The following CPS1 variants were observed in gnomAD, a reference collection of about 807,000 sequenced individuals.
The protein encoded by CPS1 is carbamoyl-phosphate synthase [ammonia], mitochondrial.
CPS1 carries 109 observed loss-of-function variants against 174.6 expected under a neutral mutation model. The observed-to-expected ratio is 0.62, with a 90% CI of 0.53 to 0.73. CPS1 has a LOEUF of 0.73. CPS1 is among the 30% of genes least tolerant of loss of function. The pLI is 0.00. For synonymous variants in CPS1, 637 were observed against 632.0 expected, an observed-to-expected ratio of 1.01 and a Z score of -0.12; for missense variants, 1,689 against 1,821.9, an observed-to-expected ratio of 0.93 and a Z score of 1.33.
intron 18 of CPS1, among the ~76,000 whole-genome samples, chr2:210,608,028 T>C (rs1305429862): frequency 6.6e-6 from 1 of 151,944 alleles, no homozygotes; most frequent in East Asian, 2.0e-4. Context: ...TTGCAGATTC[T>C]CATCTTAGTG....
chr2:210,581,586 A>G (rs1282355812), intron 5 of CPS1, among the ~76,000 whole-genome samples: 1 of 152,180 alleles, frequency 6.6e-6, no homozygotes, highest in Non-Finnish European at 1.5e-5. Context: ...ACAAGGGGTT[A>G]TGCGACTTGG....
intron 3 of CPS1, among the ~76,000 whole-genome samples, chr2:210,576,754 A>G (rs1203830711): frequency 6.6e-6 from 1 of 152,184 alleles, no homozygotes; most frequent in East Asian, 1.9e-4. Context: ...TTCAAATAAC[A>G]ACTATGCTAT....
At chr2:210,561,634 C>T (rs974819845) in intron 1 of CPS1, among the ~76,000 whole-genome samples, 9 of 152,290 alleles carry the variant, frequency 5.9e-5, no homozygotes, top group Non-Finnish European at 8.8e-5. Flanking sequence ...GTATGCTACG[C>T]TGACTGCCCT....
chr2:210,588,737 C>T (rs913021648), intron 7 of CPS1, among the ~76,000 whole-genome samples: 1 of 152,058 alleles, frequency 6.6e-6, no homozygotes, highest in African/African-American at 2.4e-5. Flanking sequence ...CATACACATA[C>T]ACACACATAC....
chr2:210,520,968 A>G (rs1482025259), intron 1 of CPS1, among the ~76,000 whole-genome samples: 1 of 152,012 alleles, frequency 6.6e-6, no homozygotes, highest in African/African-American at 2.4e-5. Context: ...GAAAAAGGGG[A>G]TCCAATAGTG....
chr2:210,582,954 C>T (rs1273140659), intron 6 of CPS1, among the ~76,000 whole-genome samples: 1 of 151,998 alleles, frequency 6.6e-6, no homozygotes, highest in Non-Finnish European at 1.5e-5. Context: ...ATTTAGTGTT[C>T]CTTCCACCTT....
chr2:210,591,103 C>T (rs1574562100), intron 9 of CPS1, among the ~76,000 whole-genome samples, 197 bp downstream of exon 9: 1 of 151,638 alleles, frequency 6.6e-6, no homozygotes, highest in Admixed American at 6.6e-5. Flanking sequence ...CCATACCTTA[C>T]GTGGTTGACA....
intron 33 of CPS1, among the ~76,000 whole-genome samples, chr2:210,666,796 A>C (rs916524773): frequency 2.0e-4 from 31 of 152,092 alleles, no homozygotes; most frequent in East Asian, 1.3e-3. Context: ...CTTAGGATTG[A>C]CTTGGCAATG....
In CPS1 at chr2:210,647,990, C is replaced by T. The variant is rs1442503615; in HGVS notation, c.3269C>T (p.Ser1090Phe). ...CAGATCGACAGGGCTGAGGATCGCT[C>T]CATCTTCTCAGCTGTCTTGGATGAG... is the stretch of plus-strand genomic sequence containing the variant. ...PLQIDRAEDR[S>F]IFSAVLDELK... Residue 1090 changes from serine (S) to phenylalanine (F), a missense_variant, in exon 26 of 38, where the codon TCC becomes TTC. By Grantham distance (155) the Ser-to-Phe change is radical (BLOSUM62 -2). Coordinates refer to ENST00000233072, the MANE Select transcript of CPS1 (RefSeq NM_001875.5). 2 of 1,614,018 alleles carry T rather than the reference C, an allele frequency of 1.2e-6. No homozygotes were observed. The highest frequency in any genetic ancestry group is 2.2e-5 in the South Asian group (2 of 91,068).
chr2:210,565,702 T>C (rs1697279348), intron 1 of CPS1, among the ~76,000 whole-genome samples: 1 of 152,184 alleles, frequency 6.6e-6, no homozygotes, highest in South Asian at 2.1e-4. Context: ...TCTCTCTGTA[T>C]GAATTTTATT....
In CPS1 at chr2:210,675,978, A is replaced by G. The variant is rs569175082; in HGVS notation, c.4274+138A>G. On this transcript the variant is annotated intron_variant, in intron 36 of 37. Coordinates refer to ENST00000233072, the MANE Select transcript of CPS1 (RefSeq NM_001875.5). ...TGAATACATTTGTGGATGATTGTCA[A>G]GTTTCACTCTCCATCACTATGGAAT... 6.2e-5 allele frequency: 43 copies of G among 691,990 alleles called. No homozygotes were observed. In the South Asian group the frequency reaches 6.4e-4, roughly 10 times the overall value. 42.9% of individuals were successfully genotyped at this position (691,990 alleles called of 1,614,324 possible).
chr2:210,505,711 G>T (rs112614616), intron 1 of CPS1, among the ~76,000 whole-genome samples: 1 of 152,282 alleles, frequency 6.6e-6, no homozygotes, highest in Non-Finnish European at 1.5e-5. Flanking sequence ...TTTTCCAACC[G>T]TCTTAGCAAA....
chr2:210,481,487 G>T (rs1694568896), intron 1 of CPS1, among the ~76,000 whole-genome samples: 2 of 152,144 alleles, frequency 1.3e-5, no homozygotes, highest in African/African-American at 4.8e-5. Context: ...ACAAAACTCA[G>T]CCATGGAAAG....
chr2:210,566,744 A>G (rs1217897532), intron 1 of CPS1, among the ~76,000 whole-genome samples: 2 of 152,156 alleles, frequency 1.3e-5, no homozygotes, highest in Admixed American at 1.3e-4. Flanking sequence ...GGAGATTTCA[A>G]TATTACCTAC....
intron 13 of CPS1, among the ~76,000 whole-genome samples, chr2:210,597,203 C>T (rs887596830): frequency 2.4e-4 from 36 of 151,910 alleles, no homozygotes; most frequent in African/African-American, 7.7e-4. Context: ...TCAGTTGGGA[C>T]TCAATTATTA....
At position 210,654,118 on chromosome 2, in the gene CPS1, T is replaced by G. The variant is rs1559129390; in HGVS notation, c.3558+16T>G. 3 of 1,601,338 alleles carry G rather than the reference T, an allele frequency of 1.9e-6. No individual in the cohort carries two copies. The highest frequency in any genetic ancestry group is 2.6e-6 in the Non-Finnish European group (3 of 1,168,318). ...AGATGGAAGGGTAAGTGCTTTATTC[T>G]CATCTCCTTCATTCCTGCCTTCTCA... On this transcript the variant is annotated intron_variant, in intron 29 of 37. Coordinates refer to ENST00000233072, the MANE Select transcript of CPS1 (RefSeq NM_001875.5).
chr2:210,496,837 A>G (rs1222477074), intron 1 of CPS1, among the ~76,000 whole-genome samples: 3 of 152,102 alleles, frequency 2.0e-5, no homozygotes, highest in Admixed American at 2.0e-4. Flanking sequence ...TGGTCACCCT[A>G]TTTAATACTT....
intron 21 of CPS1, among the ~76,000 whole-genome samples, chr2:210,624,081 A>C (rs1699622448): frequency 6.6e-6 from 1 of 152,154 alleles, no homozygotes; most frequent in Admixed American, 6.6e-5. Context: ...ATACTTTACT[A>C]TGACATGTTT....
intron 34 of CPS1, among the ~76,000 whole-genome samples, chr2:210,670,845 G>T (rs1187474509): frequency 2.0e-5 from 3 of 152,060 alleles, no homozygotes; most frequent in Non-Finnish European, 2.9e-5. Flanking sequence ...AAAGTATCTG[G>T]GAAGTTTGAA....
Sources: gnomAD v4.1 joint callset for allele counts (sites outside exome capture counted in the v4.1 genomes callset) on GRCh38, gnomAD v4.1.1 for gene constraint, MANE v1.5 for transcripts, NCBI Gene and HGNC (gene_info 2026-07-23, HGNC 2026-07-21) for gene names.